MEI4: variants seen among roughly 807,000 people sequenced by gnomAD.
MEI4 encodes meiosis-specific protein MEI4.
In MEI4, 27 loss-of-function variants were observed where a neutral mutation model predicts 31.4. That is an observed-to-expected ratio of 0.86 (90% confidence interval 0.63 to 1.19). The LOEUF is 1.19. Ranked by LOEUF, MEI4 falls within the 50% of genes most tolerant of loss-of-function variation. MEI4 has a pLI of 0.00. For missense variants in MEI4, 329 were observed against 398.9 expected (o/e 0.82, Z 1.49); for synonymous variants, 122 against 145.4 (o/e 0.84, Z 1.16).
At chr6:77,744,969 G>T (rs1201286605) in intron 2 of MEI4, among the ~76,000 whole-genome samples, 1 of 152,130 alleles carries the variant, frequency 6.6e-6, no homozygotes, top group Non-Finnish European at 1.5e-5. Flanking sequence ...CCTGAAGGAA[G>T]CACTAAACAT....
At chr6:77,774,496 T>G (rs1768390897) in intron 3 of MEI4, among the ~76,000 whole-genome samples, 1 of 152,022 alleles carries the variant, frequency 6.6e-6, no homozygotes, top group Non-Finnish European at 1.5e-5. Context: ...GAGAGTAAAA[T>G]GATGTTTACC....
chr6:77,835,036 ATAAT>A (rs1420790779), intron 4 of MEI4, among the ~76,000 whole-genome samples: 1 of 151,850 alleles, frequency 6.6e-6, no homozygotes, highest in Non-Finnish European at 1.5e-5. Flanking sequence ...GACTATTACT[ATAAT>A]TATCTTTTAT....
At chr6:77,887,222 T>C (rs544221481) in intron 4 of MEI4, among the ~76,000 whole-genome samples, 13 of 151,378 alleles carry the variant, frequency 8.6e-5, no homozygotes, top group African/African-American at 2.9e-4. Flanking sequence ...GACCCAGTGG[T>C]CATTCATAGT....
At chr6:77,743,930 A>G (rs962442328) in intron 2 of MEI4, among the ~76,000 whole-genome samples, 2 of 152,232 alleles carry the variant, frequency 1.3e-5, no homozygotes, top group African/African-American at 4.8e-5. Flanking sequence ...AAGGAAAACT[A>G]ATAAACAGAA....
At chr6:77,727,945 G>T (rs1337603716) in intron 2 of MEI4, among the ~76,000 whole-genome samples, 1 of 152,184 alleles carries the variant, frequency 6.6e-6, no homozygotes, top group Non-Finnish European at 1.5e-5. Flanking sequence ...AAACATGCTT[G>T]ACTCTCTATC....
intron 2 of MEI4, chr6:77,716,887 T>A (rs1158635523): frequency 1.0e-6 from 1 of 981,878 alleles, no homozygotes; most frequent in Non-Finnish European, 1.2e-6. Flanking sequence ...TGACTGTCCA[T>A]TTAAGTGACC....
intron 1 of MEI4, among the ~76,000 whole-genome samples, chr6:77,676,561 T>C (rs1019394031): frequency 1.3e-5 from 2 of 152,122 alleles, no homozygotes; most frequent in Non-Finnish European, 2.9e-5. Context: ...AAATAACCAC[T>C]GAAGCCTTCA....
At chr6:77,870,115 C>T (rs1771155423) in intron 4 of MEI4, among the ~76,000 whole-genome samples, 1 of 152,090 alleles carries the variant, frequency 6.6e-6, no homozygotes, top group South Asian at 2.1e-4. Flanking sequence ...AACAATTCAG[C>T]TTATGATTTT....
At chr6:77,710,648 G>C (rs1432649550) in intron 2 of MEI4, among the ~76,000 whole-genome samples, 1 of 149,054 alleles carries the variant, frequency 6.7e-6, no homozygotes, top group South Asian at 2.1e-4. Context: ...TGCCTCTTTT[G>C]TATTGGTAGA....
intron 3 of MEI4, among the ~76,000 whole-genome samples, chr6:77,800,595 T>C (rs766223011): frequency 6.2e-4 from 94 of 152,318 alleles, no homozygotes; most frequent in Non-Finnish European, 4.7e-4. Flanking sequence ...TGCTTCCAGT[T>C]TTTGCCCATT....
At chr6:77,845,323 CAG>C (rs1008582211) in intron 4 of MEI4, among the ~76,000 whole-genome samples, 5 of 152,180 alleles carry the variant, frequency 3.3e-5, no homozygotes, top group East Asian at 1.9e-4. Context: ...CCTTATTTTT[CAG>C]AGAGTTCTCT....
chr6:77,760,088 A>G (rs944001324), intron 2 of MEI4, among the ~76,000 whole-genome samples: 2 of 152,136 alleles, frequency 1.3e-5, no homozygotes, highest in African/African-American at 4.8e-5. Context: ...GACCGAGAGT[A>G]ATTAGATTTA....
At chr6:77,858,582 A>G (rs1770793867) in intron 4 of MEI4, among the ~76,000 whole-genome samples, 1 of 152,116 alleles carries the variant, frequency 6.6e-6, no homozygotes, top group South Asian at 2.1e-4. Context: ...AATGGTGTCC[A>G]AAAAGATCAT....
At chr6:77,861,194 T>C (rs1770857166) in intron 4 of MEI4, among the ~76,000 whole-genome samples, 1 of 152,188 alleles carries the variant, frequency 6.6e-6, no homozygotes, top group African/African-American at 2.4e-5. Flanking sequence ...TTTTGATTGG[T>C]TGGAGAGGCT....
intron 4 of MEI4, among the ~76,000 whole-genome samples, chr6:77,841,331 A>ATTTTT (rs1562008564): frequency 1.1e-4 from 4 of 35,480 alleles, no homozygotes; most frequent in African/African-American, 8.0e-4. Context: ...ATATATATAT[A>ATTTTT]TATTTTTTTT....
In MEI4 at chr6:77,740,631, G is replaced by A. The variant is rs1349132615; in HGVS notation, c.233-20499G>A. Among the ~76,000 whole-genome samples the A allele has an allele frequency of 2.0e-5, 3 of 152,040 alleles. No individual in the cohort carries two copies. In the East Asian group the frequency reaches 5.8e-4, roughly 29 times the overall value. ...TTGCTTTTAAGTAGTCGAATTTAAGGCATCAGTATATGTGAGTGATTATTA... is the reference window on the plus strand; with the variant it reads ...TTGCTTTTAAGTAGTCGAATTTAAGACATCAGTATATGTGAGTGATTATTA... On this transcript the variant is annotated intron_variant, in intron 2 of 4. Coordinates refer to ENST00000684080, the MANE Select transcript of MEI4 (RefSeq NM_001322247.2).
chr6:77,906,701 AG>A (rs1287023793), intron 4 of MEI4, among the ~76,000 whole-genome samples: 2 of 152,174 alleles, frequency 1.3e-5, no homozygotes, highest in Non-Finnish European at 2.9e-5. Flanking sequence ...ATAGGCTTGC[AG>A]GGAGGGAATA....
intron 2 of MEI4, among the ~76,000 whole-genome samples, chr6:77,750,019 G>C (rs966741729): frequency 6.6e-6 from 1 of 152,150 alleles, no homozygotes; most frequent in Non-Finnish European, 1.5e-5. Flanking sequence ...CAGCCACACT[G>C]AGCTTCATAA....
intron 2 of MEI4, among the ~76,000 whole-genome samples, chr6:77,719,259 C>G (rs1359435125): frequency 1.5e-5 from 2 of 136,756 alleles, no homozygotes. Flanking sequence ...TTTTTTGATT[C>G]TTTGGGAATT....
Sources: gnomAD v4.1 joint callset for allele counts (sites outside exome capture counted in the v4.1 genomes callset) on GRCh38, gnomAD v4.1.1 for gene constraint, MANE v1.5 for transcripts, NCBI Gene and HGNC (gene_info 2026-07-23, HGNC 2026-07-21) for gene names.